Variants in SPTBN5 observed in about 807,000 individuals in gnomAD.
The protein encoded by SPTBN5 is spectrin beta, non-erythrocytic 5.
SPTBN5 carries 513 observed loss-of-function variants against 477.6 expected under a neutral mutation model. The observed-to-expected ratio is 1.07, with a 90% CI of 1.00 to 1.16. SPTBN5 has a LOEUF of 1.16. Ranked by LOEUF, SPTBN5 falls within the 50% of genes most tolerant of loss-of-function variation. The probability of loss-of-function intolerance (pLI) is 0.00; values close to 1 mark genes in which losing one functional copy is unlikely to be tolerated. For missense variants in SPTBN5, 5,062 were observed against 4,731.8 expected (o/e 1.07, Z -2.05); for synonymous variants, 2,169 against 2,011.7 (o/e 1.08, Z -2.09).
At position 41,856,606 on chromosome 15, in the gene SPTBN5, G is replaced by A; in HGVS notation, c.8809-8C>T. On this transcript the variant is annotated splice_polypyrimidine_tract_variant and splice_region_variant and intron_variant, in intron 52 of 67. Coordinates refer to ENST00000320955, the MANE Select transcript of SPTBN5 (RefSeq NM_016642.4). ...CATCTCACTCTCCAGGTTCTGCGGG[G>A]GAGGAGGCAGGAGGATGCGGATGTT... 16 of 1,563,230 alleles carry A rather than the reference G, an allele frequency of 1.0e-5. No individual in the cohort carries two copies. The highest frequency in any genetic ancestry group is 1.3e-5 in the Non-Finnish European group (15 of 1,160,978).
In SPTBN5 at chr15:41,861,765, C is replaced by G. The variant is rs2066116480; in HGVS notation, c.7707G>C (p.Gln2569His). Residue 2569 changes from glutamine (Q) to histidine (H), a missense_variant, in exon 45 of 68, where the codon CAG becomes CAC. Transcript: ENST00000320955. The stretch of plus-strand genomic sequence containing the variant: ...GCTCCAGGGCCTGCTGCAGCTGTAG[C>G]TGATGCTCCTGCCAGGCCCCTTCCA... ...SSLEGAWQEHQLQLQQALELQ... is the reference protein window; with the variant it reads ...SSLEGAWQEHHLQLQQALELQ... 1 of 1,552,984 alleles carries G rather than the reference C, an allele frequency of 6.4e-7. No individual in the cohort carries two copies. Among genetic ancestry groups the G allele is most frequent in the African/African-American group, 1.4e-5 (1 of 73,552 alleles).
At position 41,872,408 on chromosome 15, in the gene SPTBN5, G is replaced by A. The variant is rs765947415; in HGVS notation, c.5059C>T (p.Gln1687Ter). The A allele has an allele frequency of 6.3e-7, 1 of 1,596,946 alleles. No individual in the cohort carries two copies. Residue 1687 changes from glutamine (Q) to a stop codon, truncating the protein, a stop_gained, in exon 27 of 68, where the codon CAG (glutamine) becomes TAG (stop). Coordinates refer to ENST00000320955, the MANE Select transcript of SPTBN5 (RefSeq NM_016642.4). LOFTEE classifies it high-confidence loss of function. The stretch of plus-strand genomic sequence containing the variant: ...GGGCCAGTGAGGGTTTGGGCCGTCT[G>A]GTCAAGCTCCTCCATGGAGCTCCAG... Reference protein sequence around the residue: ...IYWSSMEELDQTAQTLTGPEV... With the variant: ...IYWSSMEELD
Position 41,880,210 on chromosome 15 carries a change from TTTG to T in SPTBN5, c.2758_2760del (p.Gln920del). ...AGGGTGTCAGCCTGGGGCTGCACCC[TTTG>T]GAGCAGCACTGTCTGCTTCTCCAGC... On this transcript the variant is annotated inframe_deletion, in exon 14 of 68. Transcript: ENST00000320955. 6.2e-7 allele frequency: 1 copy of T among 1,605,424 alleles called. No individual in the cohort carries two copies. Among genetic ancestry groups the T allele is most frequent in the Non-Finnish European group, 8.5e-7 (1 of 1,176,566 alleles).
intron 17 of SPTBN5, 91 bp from the exon 18 acceptor site, chr15:41,877,447 A>T: frequency 6.7e-7 from 1 of 1,482,398 alleles, no homozygotes; most frequent in South Asian, 1.3e-5. Flanking sequence ...CGCATCTTGG[A>T]TCATGAATGA....
chr15:41,886,816 G>A (rs559638401), intron 6 of SPTBN5, among the ~76,000 whole-genome samples: 2 of 152,314 alleles, frequency 1.3e-5, no homozygotes, highest in South Asian at 4.1e-4. Flanking sequence ...AGAGAGTAAG[G>A]AAGCCCCCCA....
intron 4 of SPTBN5, 53 bp from the exon 5 acceptor site, chr15:41,888,138 A>G (rs2067212284): frequency 6.6e-7 from 1 of 1,523,170 alleles, no homozygotes; most frequent in South Asian, 1.2e-5. Context: ...GGGGAGGCAG[A>G]GAGCCTGCAG....
intron 22 of SPTBN5, among the ~76,000 whole-genome samples, 195 bp downstream of exon 22, chr15:41,875,263 C>T (rs991721360): frequency 5.3e-5 from 8 of 152,230 alleles, no homozygotes; most frequent in Non-Finnish European, 1.5e-5. Context: ...GTGCTGACCA[C>T]CCGCTGGGCA....
intron 12 of SPTBN5, 31 bp downstream of exon 12, chr15:41,881,905 A>G (rs761305326): frequency 8.1e-5 from 123 of 1,509,612 alleles, no homozygotes; most frequent in Non-Finnish European, 1.0e-4. Flanking sequence ...AGCAAGGGAG[A>G]CCAGGCGCCC....
Position 41,851,269 on chromosome 15 carries a change from ACCCCGCCTGGTACCTCCGCTG to A in SPTBN5, c.10736_10743+13del. The A allele has an allele frequency of 6.4e-7, 1 of 1,550,728 alleles. No individual in the cohort carries two copies. Among genetic ancestry groups the A allele is most frequent in the South Asian group, 1.2e-5 (1 of 84,050 alleles). ...GCACCCTGATGTCTGCATCTCCCCT[ACCCCGCCTGGTACCTCCGCTG>A]CCATCCTCTCATCCAGGAACAGGCT... On this transcript the variant is annotated splice_donor_variant and splice_donor_5th_base_variant and coding_sequence_variant and intron_variant, in exon 64 of 68. Transcript: ENST00000320955. LOFTEE classifies it high-confidence loss of function.
chr15:41,857,711 C>A lies in SPTBN5; in HGVS notation c.8227-1G>T. ...CCCCCTGCAGCAGCCTCTGTCCCTC[C>A]TGCAGCCACAACATGAAACACACCT... On this transcript the variant is annotated splice_acceptor_variant, in intron 49 of 67. Transcript: ENST00000320955. LOFTEE classifies it high-confidence loss of function. 1 of 1,568,838 alleles carries A rather than the reference C, an allele frequency of 6.4e-7. No individual in the cohort carries two copies. The highest frequency in any genetic ancestry group is 1.3e-5 in the African/African-American group (1 of 74,150).
chr15:41,855,340 C>T lies in SPTBN5; in HGVS notation c.9307G>A (p.Glu3103Lys), dbSNP rs755854565. The change falls in exon 55 of 68, where the codon GAG becomes AAG. Residue 3103 changes from glutamate to lysine, a missense_variant. Transcript: ENST00000320955. ...TCCAGCTGGTGTAGCTGCAGCTGCT[C>T]CTGCAGGCCGTGCCCCCTGGCCTCC... is the stretch of plus-strand genomic sequence containing the variant. ...RAEARGHGLQ[E>K]QLQLHQLERE... 2.9e-5 allele frequency: 46 copies of T among 1,607,258 alleles called. 1 individual carries two copies. Among genetic ancestry groups the T allele is most frequent in the Non-Finnish European group, 3.5e-5 (41 of 1,179,730 alleles).
Position 41,861,673 on chromosome 15 carries a change from G to C in SPTBN5, c.7737+62C>G, listed in dbSNP as rs1307807359. 2.7e-6 allele frequency: 4 copies of C among 1,506,764 alleles called. No homozygotes were observed. In the Admixed American group the frequency reaches 8.2e-5, roughly 31 times the overall value. The allele number at this position is 1,506,764 out of a possible 1,614,324, so 93.3% of individuals were successfully genotyped here. A position where few individuals can be genotyped will look rare whatever the true frequency, so the allele number is the denominator to read the frequency against. On this transcript the variant is annotated intron_variant, in intron 45 of 67. Transcript: ENST00000320955. Reference sequence around the variant, plus strand: ...AGTCTTAGCCTTGACCAGAGGCTGTGGGGTCAGCGCAGGCCCTGTTCGGGG... The same window carrying C: ...AGTCTTAGCCTTGACCAGAGGCTGTCGGGTCAGCGCAGGCCCTGTTCGGGG...
At chr15:41,875,264 C>A (rs2066684494) in intron 22 of SPTBN5, among the ~76,000 whole-genome samples, 194 bp downstream of exon 22, 1 of 152,238 alleles carries the variant, frequency 6.6e-6, no homozygotes, top group Non-Finnish European at 1.5e-5. Flanking sequence ...TGCTGACCAC[C>A]CGCTGGGCAC....
intron 67 of SPTBN5, among the ~76,000 whole-genome samples, chr15:41,849,237 T>C (rs1432992659): frequency 6.6e-6 from 1 of 152,064 alleles, no homozygotes; most frequent in African/African-American, 2.4e-5. Flanking sequence ...GTGAGGGGGG[T>C]TGAGCATCGA....
In SPTBN5 at chr15:41,876,857, C is replaced by A; in HGVS notation, c.3803G>T (p.Arg1268Leu). Residue 1268 changes from arginine (R) to leucine (L), a missense_variant, in exon 19 of 68, where the codon CGG becomes CTG. By Grantham distance (102) the Arg-to-Leu change is moderately radical (BLOSUM62 -2). Coordinates refer to ENST00000320955, the MANE Select transcript of SPTBN5 (RefSeq NM_016642.4). Reference sequence around the variant, plus strand: ...CTGAACCAGCTTCTCGCCGTGTGCCCGCAGAGCCTCTGCCCGAGGCCCCAG... The same window carrying A: ...CTGAACCAGCTTCTCGCCGTGTGCCAGCAGAGCCTCTGCCCGAGGCCCCAG... ...STLGPRAEAL[R>L]AHGEKLVQSQ... The A allele has an allele frequency of 6.2e-7, 1 of 1,610,502 alleles. No individual in the cohort carries two copies. Among genetic ancestry groups the A allele is most frequent in the Non-Finnish European group, 8.5e-7 (1 of 1,179,848 alleles).
At position 41,865,843 on chromosome 15, in the gene SPTBN5, G is replaced by T. The variant is rs757314691; in HGVS notation, c.6883C>A (p.Arg2295=). 2.3e-5 allele frequency: 36 copies of T among 1,578,818 alleles called. No homozygotes were observed. The highest frequency in any genetic ancestry group is 2.7e-5 in the African/African-American group (2 of 74,026). Residue 2295 remains arginine (R), a synonymous_variant, in exon 39 of 68, where the codon CGG becomes AGG. Coordinates refer to ENST00000320955, the MANE Select transcript of SPTBN5 (RefSeq NM_016642.4). ...TTTCCTCGGAACTCGCGGAGCCGCC[G>T]TCGGAGCTGCAGGCAGTGCTCCAGG... ...QDLEHCLQLR[R]RLREFRGNSA...
Position 41,868,518 on chromosome 15 carries a change from C to G in SPTBN5, c.5937G>C (p.Pro1979=). Residue 1979 remains proline, a synonymous_variant, in exon 33 of 68, where the codon CCG becomes CCC. Transcript: ENST00000320955. ...GCCACTGGTGGGCACTGAGCTTCAG[C>G]GGGCCACTGCTAGGCTCTTGCGAAC... ...EESSQEPSSG[P]LKLSAHQWLR... 1 of 1,609,580 alleles carries G rather than the reference C, an allele frequency of 6.2e-7. No homozygotes were observed. Among genetic ancestry groups the G allele is most frequent in the Non-Finnish European group, 8.5e-7 (1 of 1,179,740 alleles).
chr15:41,866,387 G>T lies in SPTBN5; in HGVS notation c.6587C>A (p.Ala2196Asp). The T allele has an allele frequency of 6.2e-7, 1 of 1,611,312 alleles. No individual in the cohort carries two copies. The highest frequency in any genetic ancestry group is 8.5e-7 in the Non-Finnish European group (1 of 1,178,630). The change falls in exon 37 of 68, where the codon GCT (alanine) becomes GAT (aspartate). Residue 2196 changes from alanine to aspartate, a missense_variant. Ala to Asp is a moderately radical substitution (Grantham distance 126, BLOSUM62 -2). Transcript: ENST00000320955. The stretch of plus-strand genomic sequence containing the variant: ...GACCTCCTCATGGGCCTGGACTTCA[G>T]CCTCAAAGGCCTGGTGTTTCAGCAG... ...KPLLKHQAFE[A>D]EVQAHEEVMT...
chr15:41,884,390 G>C (rs1042545362), intron 7 of SPTBN5, among the ~76,000 whole-genome samples: 1 of 152,176 alleles, frequency 6.6e-6, no homozygotes, highest in Non-Finnish European at 1.5e-5. Context: ...AAAGTGCTGA[G>C]ATTACAGGCA....
Sources: gnomAD v4.1 joint callset for allele counts (sites outside exome capture counted in the v4.1 genomes callset) on GRCh38, gnomAD v4.1.1 for gene constraint, MANE v1.5 for transcripts, NCBI Gene and HGNC (gene_info 2026-07-23, HGNC 2026-07-21) for gene names.